Variants in ADGRL2 observed in about 807,000 individuals in gnomAD.
ADGRL2 encodes adhesion G protein-coupled receptor L2, also known as calcium-independent alpha-latrotoxin receptor 2.
In ADGRL2, 44 loss-of-function variants were observed where a neutral mutation model predicts 157.4. That is an observed-to-expected ratio of 0.28 (90% CI 0.22 to 0.36). The LOEUF (loss-of-function observed/expected upper bound fraction) is 0.36, where lower values mean the gene tolerates loss of function less well. Ranked by LOEUF, ADGRL2 falls within the 10% of genes least tolerant of loss-of-function variation. ADGRL2 has a pLI of 1.00. For missense variants in ADGRL2, 1,510 were observed against 1,768.9 expected (o/e 0.85, Z 2.63); for synonymous variants, 585 against 624.7 (o/e 0.94, Z 0.95).
chr1:81,522,707 G>T (rs1484688326), intron 2 of ADGRL2, among the ~76,000 whole-genome samples: 1 of 152,144 alleles, frequency 6.6e-6, no homozygotes, highest in African/African-American at 2.4e-5. Context: ...ATTTAAACCA[G>T]TGAAGTTAAG....
intron 1 of ADGRL2, among the ~76,000 whole-genome samples, chr1:81,346,587 A>G (rs1211799562): frequency 6.6e-6 from 1 of 152,142 alleles, no homozygotes; most frequent in Non-Finnish European, 1.5e-5. Context: ...TAAGACTGTG[A>G]CTTTATAAGT....
chr1:81,772,931 G>T (rs927013403), intron 2 of ADGRL2, among the ~76,000 whole-genome samples: 1 of 151,994 alleles, frequency 6.6e-6, no homozygotes, highest in Non-Finnish European at 1.5e-5. Flanking sequence ...TAAATTATTA[G>T]AATATGTTTT....
At chr1:81,598,866 A>T (rs566822835) in intron 3 of ADGRL2, among the ~76,000 whole-genome samples, 2 of 152,300 alleles carry the variant, frequency 1.3e-5, no homozygotes, top group South Asian at 4.1e-4. Context: ...GTTTTCAATT[A>T]ATGTTGTTGA....
At chr1:81,425,259 C>A (rs2077191561) in intron 1 of ADGRL2, among the ~76,000 whole-genome samples, 1 of 152,122 alleles carries the variant, frequency 6.6e-6, no homozygotes, top group Non-Finnish European at 1.5e-5. Flanking sequence ...CAATCACGTA[C>A]CCATGCATGT....
rs372364797 is a variant in ADGRL2 at position 81,990,666 on chromosome 1, A to G, written c.3931A>G (p.Ile1311Val). The G allele has an allele frequency of 4.3e-6, 7 of 1,614,054 alleles. No homozygotes were observed. Among genetic ancestry groups the G allele is most frequent in the Middle Eastern group, 1.6e-4 (1 of 6,084 alleles). The change falls in exon 24 of 24, where the codon ATT (isoleucine) becomes GTT (valine). Residue 1311 changes from isoleucine (I) to valine (V), a missense_variant. By Grantham distance (29) the Ile-to-Val change is conservative. This residue lies in a region of ADGRL2 where 327 missense variants were observed against 310.1 expected (regional missense o/e 1.05). Transcript: ENST00000686636. Reference protein sequence around the residue: ...IGGSSSEDDAIVADASSLMHS... With the variant: ...IGGSSSEDDAVVADASSLMHS... ...AGGTAGCAGCAGTGAAGATGATGCT[A>G]TTGTGGCAGATGCTTCATCTTTAAT... is the stretch of plus-strand genomic sequence containing the variant.
chr1:81,548,280 A>T (rs939744812), intron 2 of ADGRL2, among the ~76,000 whole-genome samples: 2 of 152,064 alleles, frequency 1.3e-5, no homozygotes, highest in South Asian at 4.2e-4. Flanking sequence ...TGATTTCATG[A>T]CCTACTAAAG....
At chr1:81,743,571 T>C (rs2085147360) in intron 1 of ADGRL2, among the ~76,000 whole-genome samples, 1 of 152,026 alleles carries the variant, frequency 6.6e-6, no homozygotes, top group Admixed American at 6.6e-5. Context: ...AGACTACTAC[T>C]GGCAAACCTA....
At chr1:81,856,554 C>A (rs1465325347) in intron 2 of ADGRL2, among the ~76,000 whole-genome samples, 1 of 152,000 alleles carries the variant, frequency 6.6e-6, no homozygotes, top group East Asian at 1.9e-4. Flanking sequence ...ATCAGCAGAT[C>A]ATTTGAGTTA....
chr1:81,696,625 G>A (rs932736932), upstream of ADGRL2, among the ~76,000 whole-genome samples: 7 of 152,078 alleles, frequency 4.6e-5, no homozygotes, highest in African/African-American at 7.2e-5. Flanking sequence ...GGTGGCGGGC[G>A]CCTGTAGTCC....
chr1:81,323,903 G>A lies in ADGRL2; in HGVS notation c.-302+17394G>A, dbSNP rs143631632. ...GAAGAGGACAGAAAAGAGGAGCATC[G>A]CAAAGAATCAAGAGAGAATGTTGTG... is the stretch of plus-strand genomic sequence containing the variant. On this transcript the variant is annotated intron_variant, in intron 1 of 24. Coordinates refer to the ADGRL2 transcript ENST00000370721. Among the ~76,000 whole-genome samples the A allele has an allele frequency of 7.7e-4, 117 of 152,236 alleles. 1 individual carries two copies. The highest frequency in any genetic ancestry group is 2.5e-3 in the African/African-American group (105 of 41,554).
At chr1:81,650,294 G>A (rs1042829960) in intron 3 of ADGRL2, among the ~76,000 whole-genome samples, 10 of 151,990 alleles carry the variant, frequency 6.6e-5, no homozygotes, top group African/African-American at 9.7e-5. Flanking sequence ...ATTGTGGGCC[G>A]GGCCCCCTGG....
intron 3 of ADGRL2, among the ~76,000 whole-genome samples, chr1:81,691,063 C>T (rs978722002): frequency 6.6e-6 from 1 of 152,158 alleles, no homozygotes; most frequent in Non-Finnish European, 1.5e-5. Context: ...AGTACACATT[C>T]CACAGAGGAT....
intron 1 of ADGRL2, among the ~76,000 whole-genome samples, chr1:81,372,709 G>T (rs1223398158): frequency 6.6e-6 from 1 of 152,126 alleles, no homozygotes; most frequent in Non-Finnish European, 1.5e-5. Context: ...TTAAAATAAT[G>T]TACATAACTA....
intron 3 of ADGRL2, among the ~76,000 whole-genome samples, chr1:81,616,674 C>CTTTT (rs1393879384): frequency 7.7e-5 from 4 of 51,866 alleles, no homozygotes; most frequent in Admixed American, 2.1e-4. Context: ...CTTTTCTTTT[C>CTTTT]TTTTCTTTTT....
chr1:81,975,226 C>A (rs1163408034), intron 17 of ADGRL2, among the ~76,000 whole-genome samples: 1 of 152,062 alleles, frequency 6.6e-6, no homozygotes, highest in African/African-American at 2.4e-5. Flanking sequence ...ATAGCCTATA[C>A]TTACTAGTAG....
chr1:81,336,573 T>C (rs1386388381), intron 1 of ADGRL2, among the ~76,000 whole-genome samples: 5 of 152,124 alleles, frequency 3.3e-5, no homozygotes, highest in Non-Finnish European at 5.9e-5. Flanking sequence ...ACTAGACCTA[T>C]ATATGTATGG....
At chr1:81,607,565 G>A (rs2081460057) in intron 3 of ADGRL2, among the ~76,000 whole-genome samples, 1 of 152,180 alleles carries the variant, frequency 6.6e-6, no homozygotes. Flanking sequence ...AAAGTTCCAA[G>A]TTGAAAGGAC....
intron 1 of ADGRL2, among the ~76,000 whole-genome samples, chr1:81,327,033 C>T (rs1358525167): frequency 6.6e-6 from 1 of 152,078 alleles, no homozygotes; most frequent in African/African-American, 2.4e-5. Context: ...CAAATAAAGC[C>T]CAAAATGCTT....
At chr1:81,791,066 C>CAAAAA (rs11411906) in intron 2 of ADGRL2, among the ~76,000 whole-genome samples, 7 of 37,470 alleles carry the variant, frequency 1.9e-4, no homozygotes, top group African/African-American at 2.6e-4. Flanking sequence ...GACCCTATCT[C>CAAAAA]AAAAAAAAAA....
Sources: allele counts gnomAD v4.1 joint callset (sites outside exome capture counted in the v4.1 genomes callset), GRCh38; gene constraint gnomAD v4.1.1; regional missense constraint gnomAD v4.1.1; transcripts MANE v1.5; gene names NCBI Gene and HGNC (gene_info 2026-07-23, HGNC 2026-07-21).